PXDN: variants seen among roughly 807,000 people sequenced by gnomAD.
PXDN encodes the protein peroxidasin, also known as peroxidasin homolog.
A neutral mutation model predicts 140.3 loss-of-function variants in PXDN; 77 were observed. That is an observed-to-expected ratio of 0.55 (90% CI 0.46 to 0.66). The LOEUF (loss-of-function observed/expected upper bound fraction) is 0.66, where lower values mean the gene tolerates loss of function less well. Among genes scored for constraint, PXDN ranks in the 30% least tolerant of loss-of-function variants. PXDN has a pLI of 0.00. For missense variants in PXDN, 1,838 were observed against 2,039.5 expected (o/e 0.90, Z 1.90); for synonymous variants, 911 against 857.4 (o/e 1.06, Z -1.09).
intron 22 of PXDN, among the ~76,000 whole-genome samples, chr2:1,634,981 C>G (rs1682511404): frequency 6.6e-6 from 1 of 150,440 alleles, no homozygotes; most frequent in African/African-American, 2.5e-5. Context: ...TCTGTAACAC[C>G]CCCAGCTCTG....
Position 1,663,646 on chromosome 2 carries a change from C to T in PXDN, c.1526G>A (p.Gly509Asp). ...CAGGTGGGCCACGACCTTCTGGGAG[C>T]CGATGATGTTGACAGCCTGGCATTC... ...QYECQAVNII[G>D]SQKVVAHLTV... Residue 509 changes from glycine to aspartate, a missense_variant, in exon 12 of 23, where the codon GGC (glycine) becomes GAC (aspartate). Gly to Asp is a moderately conservative substitution (Grantham distance 94). Coordinates refer to ENST00000252804, the MANE Select transcript of PXDN (RefSeq NM_012293.3). The T allele has an allele frequency of 6.2e-7, 1 of 1,614,040 alleles. No individual in the cohort carries two copies. Among genetic ancestry groups the T allele is most frequent in the Non-Finnish European group, 8.5e-7 (1 of 1,179,904 alleles).
chr2:1,640,344 G>A (rs1325699907), intron 19 of PXDN, among the ~76,000 whole-genome samples: 2 of 152,348 alleles, frequency 1.3e-5, no homozygotes, highest in South Asian at 4.1e-4. Flanking sequence ...TAATGTCTCA[G>A]GAAGCCACTG....
At chr2:1,705,991 T>C (rs1355245460) in intron 1 of PXDN, among the ~76,000 whole-genome samples, 1 of 100,158 alleles carries the variant, frequency 1.0e-5, no homozygotes, top group Non-Finnish European at 2.0e-5. Flanking sequence ...GGCATCCATG[T>C]GGCTTGGACA....
In PXDN at chr2:1,679,835, TG is replaced by T. The variant is rs1475187312; in HGVS notation, c.730+357del. 4.0e-4 allele frequency among the ~76,000 whole-genome samples: 58 copies of T among 144,412 alleles called. 1 individual carries two copies. The highest frequency in any genetic ancestry group is 3.7e-3 in the Admixed American group (53 of 14,290). 94.7% of individuals were successfully genotyped at this position (144,412 alleles called of 152,430 possible). On this transcript the variant is annotated intron_variant, in intron 7 of 22. Coordinates refer to ENST00000252804, the MANE Select transcript of PXDN (RefSeq NM_012293.3). ...TGTGTGTAAATGGTGTGTGTGTGGATGGTGTGTGTGTGTATGTGCGTGTGTG... is the reference window on the plus strand; with the variant it reads ...TGTGTGTAAATGGTGTGTGTGTGGATGTGTGTGTGTGTATGTGCGTGTGTG...
In PXDN at chr2:1,643,499, A is replaced by G; in HGVS notation, c.3821T>C (p.Leu1274Pro). ...QIKQTSLARI[L>P]CDNADNITRV... ...GGTGATGTTGTCCGCGTTGTCGCAT[A>G]GGATCCTGGCCAGCGACGTCTGCTT... The change falls in exon 19 of 23, where the codon CTA (leucine) becomes CCA (proline). Residue 1274 changes from leucine to proline, a missense_variant. Leu to Pro is a moderately conservative substitution (Grantham distance 98). Around this residue, in one of 5 missense-constraint regions of PXDN, gnomAD observed 850 missense variants for 894.1 expected, o/e 0.95. Transcript: ENST00000252804. The G allele has an allele frequency of 1.2e-6, 2 of 1,613,974 alleles. No homozygotes were observed.
chr2:1,666,668 G>A (rs570218899), intron 9 of PXDN, among the ~76,000 whole-genome samples, 182 bp from the exon 10 acceptor site: 6 of 152,054 alleles, frequency 3.9e-5, no homozygotes, highest in South Asian at 4.2e-4. Context: ...TCACAGCCTC[G>A]GGTCAAACAA....
chr2:1,649,211 AG>A lies in PXDN; in HGVS notation c.2568del (p.Cys857AlafsTer5), dbSNP rs558163499. 5 of 1,510,682 alleles carry A rather than the reference AG, an allele frequency of 3.3e-6. No homozygotes were observed. Among genetic ancestry groups the A allele is most frequent in the Non-Finnish European group, 1.8e-6 (2 of 1,114,832 alleles). The allele number at this position is 1,510,682 out of a possible 1,614,324, so 93.6% of individuals were successfully genotyped here. A position where few individuals can be genotyped will look rare whatever the true frequency, so the allele number is the denominator to read the frequency against. On this transcript the variant is annotated frameshift_variant, in exon 17 of 23. Coordinates refer to ENST00000252804, the MANE Select transcript of PXDN (RefSeq NM_012293.3). LOFTEE classifies it high-confidence loss of function. The surrounding 1 kb of genome is among the most constrained non-coding windows in gnomAD (Gnocchi z 7.1). ...HCSNVCSNDP[P>X]CFSVMIPPND... ...TTGGGGGGGATCATGACAGAGAAGC[AG>A]GGGGGGTCGTTGCTGCACACGTTGC...
intron 1 of PXDN, among the ~76,000 whole-genome samples, chr2:1,742,859 G>A (rs1265879974): frequency 6.6e-6 from 1 of 152,226 alleles, no homozygotes; most frequent in Non-Finnish European, 1.5e-5. Flanking sequence ...CTGCAAACTC[G>A]GCGACCCCTG....
intron 13 of PXDN, among the ~76,000 whole-genome samples, chr2:1,661,245 T>A (rs906466905): frequency 2.0e-5 from 3 of 152,130 alleles, no homozygotes; most frequent in Admixed American, 2.0e-4. Flanking sequence ...TCTTCCCACA[T>A]CTCATTCTTT....
intron 17 of PXDN, among the ~76,000 whole-genome samples, chr2:1,646,884 C>T (rs1682861146): frequency 6.6e-6 from 1 of 152,098 alleles, no homozygotes; most frequent in African/African-American, 2.4e-5. Context: ...CACTGATGAG[C>T]AATTATTTTA....
intron 1 of PXDN, among the ~76,000 whole-genome samples, chr2:1,728,174 G>C (rs759903692): frequency 7.9e-5 from 12 of 152,200 alleles, no homozygotes; most frequent in Non-Finnish European, 1.8e-4. Context: ...CCGAGCTCAA[G>C]AGATCCATCC....
chr2:1,729,459 A>C (rs559035182), intron 1 of PXDN, among the ~76,000 whole-genome samples: 1 of 152,276 alleles, frequency 6.6e-6, no homozygotes, highest in East Asian at 1.9e-4. Flanking sequence ...CCGCAGGATA[A>C]TATGAACAGG....
rs187953385 is a variant in PXDN, at chr2:1,699,099, C to T, written c.201-5965G>A. ...ACAGGTTTACACTCAATATCAAAATCACAAGTCACTGCAGAACCACAGAAT... is the reference window on the plus strand; with the variant it reads ...ACAGGTTTACACTCAATATCAAAATTACAAGTCACTGCAGAACCACAGAAT... On this transcript the variant is annotated intron_variant, in intron 1 of 22. Transcript: ENST00000252804. 6.6e-3 allele frequency among the ~76,000 whole-genome samples: 999 copies of T among 152,250 alleles called. 10 individuals carry two copies. Among genetic ancestry groups the T allele is most frequent in the Non-Finnish European group, 6.6e-3 (452 of 68,026 alleles).
intron 17 of PXDN, among the ~76,000 whole-genome samples, chr2:1,646,488 A>T (rs1034574547): frequency 2.0e-5 from 3 of 152,220 alleles, no homozygotes; most frequent in Admixed American, 6.5e-5. Flanking sequence ...AAACCATGAT[A>T]AAAAAATTAC....
At chr2:1,720,693 CTCTCTG>C in intron 1 of PXDN, among the ~76,000 whole-genome samples, 2 of 134,724 alleles carry the variant, frequency 1.5e-5, no homozygotes, top group African/African-American at 5.7e-5. Flanking sequence ...CTTTCTCTCT[CTCTCTG>C]CATCTCTTTC....
intron 17 of PXDN, among the ~76,000 whole-genome samples, chr2:1,646,803 A>T (rs554460114): frequency 6.6e-6 from 1 of 152,348 alleles, no homozygotes; most frequent in South Asian, 2.1e-4. Flanking sequence ...TGGGAATAAC[A>T]TCTCCTAATA....
intron 16 of PXDN, among the ~76,000 whole-genome samples, chr2:1,650,955 G>A (rs898782270): frequency 3.9e-5 from 6 of 151,986 alleles, no homozygotes; most frequent in Admixed American, 3.9e-4. Context: ...ACATAAGAAT[G>A]CAAAGAATTG....
chr2:1,701,714 G>A (rs1031658711), intron 1 of PXDN, among the ~76,000 whole-genome samples: 15 of 152,288 alleles, frequency 9.8e-5, no homozygotes, highest in Middle Eastern at 3.4e-3. Flanking sequence ...CTGAGCGTTC[G>A]CACCCCGTCA....
intron 1 of PXDN, among the ~76,000 whole-genome samples, chr2:1,725,094 T>A (rs955271811): frequency 6.6e-6 from 1 of 152,250 alleles, no homozygotes; most frequent in Admixed American, 6.5e-5. Context: ...GTTAATTTAT[T>A]CCTAATTATT....
Sources: gnomAD v4.1 joint callset for allele counts (sites outside exome capture counted in the v4.1 genomes callset) on GRCh38, gnomAD v4.1.1 for gene constraint, gnomAD v4.1.1 regional missense constraint, Gnocchi (gnomAD v3.1) non-coding constraint, MANE v1.5 for transcripts, NCBI Gene and HGNC (gene_info 2026-07-23, HGNC 2026-07-21) for gene names.